DAB1: variants seen among roughly 807,000 people sequenced by gnomAD.
DAB1 encodes DAB adaptor protein 1, also known as disabled homolog 1.
A neutral mutation model predicts 64.6 loss-of-function variants in DAB1; 15 were observed. The ratio of observed to expected loss-of-function variants is 0.23; its 90% CI spans 0.16 to 0.36. The LOEUF is 0.36. Ranked by LOEUF, DAB1 falls within the 10% of genes least tolerant of loss-of-function variation. The pLI, the probability that DAB1 is intolerant of heterozygous loss-of-function variation, is 1.00. For missense variants in DAB1, 596 were observed against 706.7 expected (o/e 0.84, Z 1.78); for synonymous variants, 235 against 251.9 (o/e 0.93, Z 0.64).
intron 5 of DAB1, among the ~76,000 whole-genome samples, chr1:57,910,605 G>A (rs1353876601): frequency 6.6e-6 from 1 of 152,178 alleles, no homozygotes. Context: ...TTAGACAGGA[G>A]CCTGGAGCCA....
chr1:58,371,091 A>G (rs1196845506), intron 3 of DAB1, among the ~76,000 whole-genome samples: 2 of 152,226 alleles, frequency 1.3e-5, no homozygotes, highest in Non-Finnish European at 2.9e-5. Context: ...TCAGAAGAAG[A>G]GAGGAAGATG....
chr1:57,952,503 T>C (rs1645300865), intron 5 of DAB1, among the ~76,000 whole-genome samples: 1 of 152,004 alleles, frequency 6.6e-6, no homozygotes, highest in African/African-American at 2.4e-5. Flanking sequence ...AAAATGAGCC[T>C]AACACATGTG....
At chr1:57,611,352 C>T (rs1340653275) in intron 7 of DAB1, among the ~76,000 whole-genome samples, 1 of 152,146 alleles carries the variant, frequency 6.6e-6, no homozygotes, top group East Asian at 1.9e-4. Context: ...GTTCTATCAC[C>T]TCCTGCATCA....
intron 3 of DAB1, among the ~76,000 whole-genome samples, chr1:58,410,890 T>C (rs1644661124): frequency 6.6e-6 from 1 of 152,214 alleles, no homozygotes; most frequent in South Asian, 2.1e-4. Context: ...TCTGCTTTAC[T>C]CCACCGTACA....
chr1:57,986,035 A>G (rs1004629633), intron 5 of DAB1, among the ~76,000 whole-genome samples: 2 of 152,166 alleles, frequency 1.3e-5, no homozygotes, highest in East Asian at 3.9e-4. Context: ...GACACAGTTG[A>G]TCATACACAT....
chr1:58,011,297 T>C (rs771823435), intron 5 of DAB1, among the ~76,000 whole-genome samples: 19 of 152,250 alleles, frequency 1.2e-4, no homozygotes, highest in Non-Finnish European at 2.6e-4. Context: ...AAGCCATCTG[T>C]ATTTCTGTAC....
chr1:58,336,518 A>G (rs1663120512), intron 4 of DAB1, among the ~76,000 whole-genome samples: 1 of 152,214 alleles, frequency 6.6e-6, no homozygotes, highest in African/African-American at 2.4e-5. Flanking sequence ...AACCAGCAAG[A>G]TAGGTATTAT....
chr1:57,015,818 T>C (rs1570502778), intron 11 of DAB1, among the ~76,000 whole-genome samples: 1 of 152,224 alleles, frequency 6.6e-6, no homozygotes, highest in Non-Finnish European at 1.5e-5. Context: ...TAGGACCCTC[T>C]CAATTGCATA....
intron 6 of DAB1, among the ~76,000 whole-genome samples, chr1:57,808,668 C>A (rs1651479169): frequency 6.6e-6 from 1 of 152,104 alleles, no homozygotes. Context: ...ATAATTGGTC[C>A]ATGCTATATT....
At chr1:57,312,096 G>T (rs1185082059) in intron 1 of DAB1, among the ~76,000 whole-genome samples, 1 of 152,148 alleles carries the variant, frequency 6.6e-6, no homozygotes, top group Non-Finnish European at 1.5e-5. Flanking sequence ...CAAAAGAAAG[G>T]TGAATAAGAT....
intron 8 of DAB1, among the ~76,000 whole-genome samples, chr1:57,065,289 A>G (rs973387279): frequency 6.6e-6 from 1 of 152,154 alleles, no homozygotes; most frequent in Non-Finnish European, 1.5e-5. Context: ...TTCTTTCATT[A>G]AAAAATAAAA....
At chr1:57,253,806 G>C (rs1669553215) in intron 2 of DAB1, among the ~76,000 whole-genome samples, 1 of 152,046 alleles carries the variant, frequency 6.6e-6, no homozygotes, top group South Asian at 2.1e-4. Flanking sequence ...TGCATTGAAG[G>C]GGGAAGGATG....
At chr1:57,250,443 A>G (rs1345927) in intron 2 of DAB1, among the ~76,000 whole-genome samples, 3,261 of 152,326 alleles carry the variant, frequency 0.021, 115 homozygotes, top group African/African-American at 0.073. Context: ...GGCAGAGACC[A>G]GCAAACATAT....
chr1:58,538,512 C>A (rs1306870985), intron 1 of DAB1, among the ~76,000 whole-genome samples: 1 of 151,948 alleles, frequency 6.6e-6, no homozygotes, highest in Non-Finnish European at 1.5e-5. Context: ...AATGCCTATA[C>A]AAAATGTAAG....
intron 2 of DAB1, among the ~76,000 whole-genome samples, chr1:58,517,530 C>T (rs568681544): frequency 2.0e-5 from 3 of 152,270 alleles, no homozygotes; most frequent in South Asian, 4.1e-4. Flanking sequence ...TTTGATGTAA[C>T]TTGAGAGATC....
intron 4 of DAB1, among the ~76,000 whole-genome samples, chr1:58,281,568 GTGTT>G (rs1182874392): frequency 6.6e-6 from 1 of 151,914 alleles, no homozygotes; most frequent in Non-Finnish European, 1.5e-5. Context: ...TGCAGCAAGA[GTGTT>G]TTTTTTTCTA....
intron 1 of DAB1, chr1:57,307,211 G>A (rs990435835): frequency 3.3e-5 from 5 of 152,164 alleles, no homozygotes; most frequent in African/African-American, 1.2e-4. Context: ...TCATGGTGCT[G>A]TCCTCATTTT....
At chr1:58,461,474 A>T (rs2100312334) in intron 3 of DAB1, among the ~76,000 whole-genome samples, 1 of 152,340 alleles carries the variant, frequency 6.6e-6, no homozygotes, top group Non-Finnish European at 1.5e-5. Flanking sequence ...CACAGAAGAG[A>T]TGAAGGCTTT....
chr1:58,294,402 C>T (rs1661920601), intron 4 of DAB1, among the ~76,000 whole-genome samples: 1 of 152,024 alleles, frequency 6.6e-6, no homozygotes, highest in Admixed American at 6.6e-5. Flanking sequence ...TTCCATTCAA[C>T]TCAATTTAAT....
Sources: allele counts gnomAD v4.1 joint callset (sites outside exome capture counted in the v4.1 genomes callset), GRCh38; gene constraint gnomAD v4.1.1; transcripts MANE v1.5; gene names NCBI Gene and HGNC (gene_info 2026-07-23, HGNC 2026-07-21).